The following IMMP2L variants were observed in gnomAD, a reference collection of about 807,000 sequenced individuals.
The protein encoded by IMMP2L is inner mitochondrial membrane peptidase subunit 2, also known as mitochondrial inner membrane protease subunit 2.
Under a neutral mutation model 19.3 loss-of-function variants are expected in IMMP2L, and 18 were observed. The ratio of observed to expected loss-of-function variants is 0.93; its 90% confidence interval spans 0.64 to 1.38. The LOEUF is 1.38. Ranked by LOEUF, IMMP2L falls within the 40% of genes most tolerant of loss-of-function variation. IMMP2L has a pLI of 0.00. For missense variants in IMMP2L, 233 were observed against 218.2 expected, an observed-to-expected ratio of 1.07 and a Z score of -0.43; for synonymous variants, 76 against 73.0, an observed-to-expected ratio of 1.04 and a Z score of -0.21.
At chr7:111,382,608 G>A (rs1431658252) in intron 3 of IMMP2L, among the ~76,000 whole-genome samples, 1 of 152,094 alleles carries the variant, frequency 6.6e-6, no homozygotes, top group East Asian at 1.9e-4. Context: ...AGAGAGACCT[G>A]AGCATGTTCA....
intron 5 of IMMP2L, among the ~76,000 whole-genome samples, chr7:110,684,301 C>T (rs768534567): frequency 1.3e-5 from 2 of 151,880 alleles, no homozygotes; most frequent in African/African-American, 4.8e-5. Flanking sequence ...AATTCTTTTT[C>T]GTATGTTGAT....
intron 3 of IMMP2L, among the ~76,000 whole-genome samples, chr7:111,059,313 G>A (rs1307255352): frequency 6.6e-6 from 1 of 152,120 alleles, no homozygotes; most frequent in African/African-American, 2.4e-5. Flanking sequence ...AGATAAGTAG[G>A]CAGTACCTTT....
rs955973661 is a variant in IMMP2L, at chr7:110,803,353, T to C, written c.408+83240A>G. On this transcript the variant is annotated intron_variant, in intron 5 of 5. Transcript: ENST00000405709. The surrounding 1 kb of genome is among the most constrained non-coding windows in gnomAD (Gnocchi z 4.2). ...TTGAATATCATCAAACTGCAGAACC[T>C]GGACTCAATTTGATCTGCCATAGAG... Among the ~76,000 whole-genome samples, 2 of 152,070 alleles carry C rather than the reference T, an allele frequency of 1.3e-5. No individual in the cohort carries two copies. Among genetic ancestry groups the C allele is most frequent in the African/African-American group, 4.8e-5 (2 of 41,434 alleles).
chr7:111,177,734 T>C (rs1807235547), intron 3 of IMMP2L, among the ~76,000 whole-genome samples: 1 of 152,028 alleles, frequency 6.6e-6, no homozygotes, highest in Non-Finnish European at 1.5e-5. Context: ...GCCTTTGCCC[T>C]AAAATGTTCC....
chr7:110,996,279 G>C lies in IMMP2L; in HGVS notation c.240-32714C>G, dbSNP rs954341317. Among the ~76,000 whole-genome samples the C allele has an allele frequency of 3.3e-5, 5 of 152,108 alleles. No individual in the cohort carries two copies. The South Asian group carries it at 1.0e-3, about 31-fold the overall frequency. On this transcript the variant is annotated intron_variant, in intron 3 of 5. Transcript: ENST00000405709. ...AGTAAGAAGGCTTAAACAGCAAAGA[G>C]TGCTGTAGGCAAATGGGAAAGTGGC...
At chr7:111,270,594 T>C (rs1818351853) in intron 3 of IMMP2L, among the ~76,000 whole-genome samples, 1 of 152,282 alleles carries the variant, frequency 6.6e-6, no homozygotes, top group African/African-American at 2.4e-5. Flanking sequence ...GTGAGCAAAT[T>C]AGCTGTCAAA....
chr7:111,115,477 A>G (rs1448460516), intron 3 of IMMP2L, among the ~76,000 whole-genome samples: 1 of 151,972 alleles, frequency 6.6e-6, no homozygotes, highest in Non-Finnish European at 1.5e-5. Context: ...AGAAATGACT[A>G]CCCCAATATG....
intron 5 of IMMP2L, among the ~76,000 whole-genome samples, chr7:110,750,565 G>T (rs149075089): frequency 6.6e-5 from 10 of 152,018 alleles, no homozygotes; most frequent in African/African-American, 2.4e-4. Flanking sequence ...TAAATACCAA[G>T]AAAATAATAA....
intron 3 of IMMP2L, among the ~76,000 whole-genome samples, chr7:110,978,222 T>C (rs1250267341): frequency 6.6e-6 from 1 of 152,074 alleles, no homozygotes; most frequent in Non-Finnish European, 1.5e-5. Context: ...CAATGTTTTC[T>C]TTTTAGGATG....
At position 111,345,339 on chromosome 7, in the gene IMMP2L, G is replaced by A. The variant is rs115707329; in HGVS notation, c.239+141899C>T. Among the ~76,000 whole-genome samples the A allele has an allele frequency of 5.5e-3, 836 of 152,080 alleles. 14 individuals carry two copies. The highest frequency in any genetic ancestry group is 0.019 in the African/African-American group (768 of 41,506). On this transcript the variant is annotated intron_variant, in intron 3 of 5. Coordinates refer to ENST00000405709, the MANE Select transcript of IMMP2L (RefSeq NM_032549.4). The stretch of plus-strand genomic sequence containing the variant: ...GTTCATTTCCTCTTGGTCACCTGAG[G>A]CACAATTTGCTACCCACCACTCTGC...
rs1480605175 is a variant in IMMP2L, at chr7:110,865,863, G to A, written c.408+20730C>T. ...CTCCAAACTAATTTTTTTTTTTTGA[G>A]GAGAACATGGACATCAGTATACTTA... On this transcript the variant is annotated intron_variant, in intron 5 of 5. Transcript: ENST00000405709. Among the ~76,000 whole-genome samples the A allele has an allele frequency of 2.0e-5, 3 of 150,388 alleles. No individual in the cohort carries two copies. In the East Asian group the frequency reaches 5.9e-4, roughly 30 times the overall value.
chr7:111,234,520 C>A (rs572989994), intron 3 of IMMP2L, among the ~76,000 whole-genome samples: 2 of 151,942 alleles, frequency 1.3e-5, no homozygotes, highest in Non-Finnish European at 2.9e-5. Context: ...AATGAACTAA[C>A]CCTTCTATCA....
chr7:110,840,175 G>C (rs1406698574), intron 5 of IMMP2L, among the ~76,000 whole-genome samples: 6 of 152,154 alleles, frequency 3.9e-5, no homozygotes, highest in East Asian at 1.9e-4. Context: ...GCTCTTTGTA[G>C]GTCCTGGTAG....
intron 3 of IMMP2L, among the ~76,000 whole-genome samples, chr7:111,055,150 G>A (rs961834575): frequency 6.6e-6 from 1 of 151,770 alleles, no homozygotes; most frequent in African/African-American, 2.4e-5. Context: ...TCTTGGGCTC[G>A]GGCAAGCTTC....
At chr7:110,967,543 A>G (rs1326249075) in intron 3 of IMMP2L, among the ~76,000 whole-genome samples, 1 of 152,192 alleles carries the variant, frequency 6.6e-6, no homozygotes, top group Non-Finnish European at 1.5e-5. Flanking sequence ...GGCCCAGATT[A>G]TCACAGAATT....
intron 3 of IMMP2L, chr7:111,122,505 A>T: frequency 7.7e-6 from 3 of 387,754 alleles, no homozygotes; most frequent in Non-Finnish European, 1.4e-5. Flanking sequence ...TCCTATGACC[A>T]TCTATACATA....
chr7:111,386,735 T>G (rs6943226), intron 3 of IMMP2L, among the ~76,000 whole-genome samples: 6,616 of 152,230 alleles, frequency 0.043, 499 homozygotes, highest in African/African-American at 0.15. Flanking sequence ...CCCATCAACT[T>G]CTCTGTCCAT....
chr7:110,720,694 A>G (rs1313627099), intron 5 of IMMP2L, among the ~76,000 whole-genome samples: 1 of 152,164 alleles, frequency 6.6e-6, no homozygotes, highest in African/African-American at 2.4e-5. Context: ...AGCTGTCTCT[A>G]TTCATTGGAA....
chr7:110,724,293 T>C (rs576801541), intron 5 of IMMP2L: 1 of 152,306 alleles, frequency 6.6e-6, no homozygotes, highest in East Asian at 1.9e-4. Context: ...GCTTTTGAGT[T>C]AAGGACAATT....
Sources: allele counts gnomAD v4.1 joint callset (sites outside exome capture counted in the v4.1 genomes callset), GRCh38; gene constraint gnomAD v4.1.1; non-coding constraint Gnocchi (gnomAD v3.1); transcripts MANE v1.5; gene names NCBI Gene and HGNC (gene_info 2026-07-23, HGNC 2026-07-21).